The following SMG7 variants were observed in gnomAD, a reference collection of about 807,000 sequenced individuals.
SMG7 encodes SMG7 nonsense mediated mRNA decay factor, also known as nonsense-mediated mRNA decay factor SMG7.
In SMG7, 34 loss-of-function variants were observed where a neutral mutation model predicts 148.2. The ratio of observed to expected loss-of-function variants is 0.23; its 90% CI spans 0.17 to 0.31. The LOEUF is 0.31. SMG7 is among the 10% of genes least tolerant of loss of function. SMG7 has a pLI of 1.00. For synonymous variants in SMG7, 492 were observed against 515.1 expected (o/e 0.96, Z 0.61); for missense variants, 1,114 against 1,408.4 (o/e 0.79, Z 3.35).
At chr1:183,541,163 C>T (rs888270441) in intron 13 of SMG7, 60 bp downstream of exon 13, 94 of 1,459,770 alleles carry the variant, frequency 6.4e-5, no homozygotes, top group Middle Eastern at 3.5e-4. Context: ...AACACATGCG[C>T]GCACACGCGC....
chr1:183,538,328 C>T, intron 11 of SMG7, 52 bp from the exon 12 acceptor site: 1 of 1,297,766 alleles, frequency 7.7e-7, no homozygotes. Context: ...CAGTATTCCA[C>T]CAAACAACAT....
chr1:183,505,767 C>G (rs1050343944), intron 1 of SMG7, among the ~76,000 whole-genome samples: 1 of 152,226 alleles, frequency 6.6e-6, no homozygotes, highest in Admixed American at 6.5e-5. Flanking sequence ...GCTGGCCAAA[C>G]TAACAATCTG....
chr1:183,473,394 G>A (rs1651264034), intron 1 of SMG7, among the ~76,000 whole-genome samples: 1 of 152,002 alleles, frequency 6.6e-6, no homozygotes, highest in African/African-American at 2.4e-5. Flanking sequence ...GTATGTCAGA[G>A]GTAGAGTGAC....
At chr1:183,530,489 T>C (rs1364447863) in intron 8 of SMG7, among the ~76,000 whole-genome samples, 1 of 152,120 alleles carries the variant, frequency 6.6e-6, no homozygotes, top group African/African-American at 2.4e-5. Context: ...CTGTGACATA[T>C]GATGTATAAG....
chr1:183,551,239 G>A (rs763548901), intron 22 of SMG7, 49 bp downstream of exon 22: 39 of 1,515,332 alleles, frequency 2.6e-5, no homozygotes, highest in Non-Finnish European at 3.3e-5. Context: ...CAGCAAAGGT[G>A]TCTCTGCTTT....
chr1:183,486,066 TC>T (rs1460851610), intron 1 of SMG7, among the ~76,000 whole-genome samples: 1 of 152,190 alleles, frequency 6.6e-6, no homozygotes, highest in Non-Finnish European at 1.5e-5. Flanking sequence ...AGAAAGTCTT[TC>T]TTTGGATCAT....
At chr1:183,526,856 C>A in intron 5 of SMG7, 89 bp downstream of exon 5, 1 of 967,888 alleles carries the variant, frequency 1.0e-6, no homozygotes, top group Non-Finnish European at 1.5e-6. Context: ...TTAAGCGGAG[C>A]ATACACACAC....
At chr1:183,492,585 A>G (rs551821158) in intron 1 of SMG7, among the ~76,000 whole-genome samples, 2 of 152,342 alleles carry the variant, frequency 1.3e-5, no homozygotes, top group South Asian at 2.1e-4. Context: ...AACGAAAACA[A>G]TCTGCTTGGG....
intron 2 of SMG7, among the ~76,000 whole-genome samples, chr1:183,513,592 G>C (rs552883687): frequency 6.6e-6 from 1 of 151,822 alleles, no homozygotes; most frequent in Non-Finnish European, 1.5e-5. Context: ...GGCTGGTCTC[G>C]AACTCCTGAC....
At chr1:183,522,520 C>G (rs1490418855) in intron 4 of SMG7, among the ~76,000 whole-genome samples, 1 of 152,076 alleles carries the variant, frequency 6.6e-6, no homozygotes, top group East Asian at 1.9e-4. Context: ...TTCTTCATTT[C>G]TGAAACTTTT....
intron 1 of SMG7, among the ~76,000 whole-genome samples, chr1:183,497,547 A>G (rs1658783162): frequency 1.3e-5 from 2 of 152,224 alleles, no homozygotes; most frequent in South Asian, 4.2e-4. Flanking sequence ...ATCTGGTTTA[A>G]TTTGTTAAAT....
chr1:183,549,119 G>T, intron 18 of SMG7, 89 bp from the exon 19 acceptor site: 2 of 948,150 alleles, frequency 2.1e-6, no homozygotes, highest in Admixed American at 2.0e-5. Context: ...ATACAGGCAT[G>T]CTTTTGCTTT....
chr1:183,527,905 A>G lies in SMG7; in HGVS notation c.485-51A>G, dbSNP rs370048503. The G allele has an allele frequency of 2.3e-6, 3 of 1,279,816 alleles. No homozygotes were observed. The highest frequency in any genetic ancestry group is 3.4e-6 in the Non-Finnish European group (3 of 879,348). 79.3% of individuals were successfully genotyped at this position (1,279,816 alleles called of 1,614,324 possible). On this transcript the variant is annotated intron_variant, in intron 5 of 22. Transcript: ENST00000688051. The surrounding 1 kb of genome is among the most constrained non-coding windows in gnomAD (Gnocchi z 4.0). The stretch of plus-strand genomic sequence containing the variant: ...AAACTATAGCTGTTTTGGAAATACT[A>G]CCCTACTGTTTGTTTTTTGGGTTTT...
chr1:183,527,857 G>A lies in SMG7; in HGVS notation c.485-99G>A, dbSNP rs1029841091. On this transcript the variant is annotated intron_variant, in intron 5 of 22. Coordinates refer to ENST00000688051, the MANE Select transcript of SMG7 (RefSeq NM_001375584.1). This position sits in a 1 kb window ranked among gnomAD's most constrained non-coding sequence, Gnocchi z 4.0. The stretch of plus-strand genomic sequence containing the variant: ...TCTTTAATTTTAAATTAACTTTAAT[G>A]TCTTTATTATCTTTAGAACTTAAAA... 24 of 745,958 alleles carry A rather than the reference G, an allele frequency of 3.2e-5. No individual in the cohort carries two copies. Among genetic ancestry groups the A allele is most frequent in the Middle Eastern group, 4.8e-4 (2 of 4,172 alleles). 46.2% of individuals were successfully genotyped at this position (745,958 alleles called of 1,614,324 possible). A position where few individuals can be genotyped will look rare whatever the true frequency, so the allele number is the denominator to read the frequency against.
At chr1:183,547,756 T>C (rs753022351) in intron 18 of SMG7, among the ~76,000 whole-genome samples, 5 of 152,212 alleles carry the variant, frequency 3.3e-5, no homozygotes, top group Non-Finnish European at 7.3e-5. Context: ...AATTCAAAGT[T>C]GGATTCATAA....
At chr1:183,499,174 G>C (rs1478537765) in intron 1 of SMG7, among the ~76,000 whole-genome samples, 1 of 152,112 alleles carries the variant, frequency 6.6e-6, no homozygotes, top group East Asian at 1.9e-4. Context: ...TGCTTCAGTA[G>C]GTGAATGGAT....
chr1:183,528,837 T>C (rs1666366835), intron 6 of SMG7, 55 bp from the exon 7 acceptor site: 3 of 1,433,190 alleles, frequency 2.1e-6, no homozygotes, highest in Non-Finnish European at 9.6e-7. Context: ...TGTATTCTTA[T>C]AGCAAGACTT....
intron 9 of SMG7, 100 bp downstream of exon 9, chr1:183,533,426 T>G: frequency 7.8e-7 from 1 of 1,287,070 alleles, no homozygotes; most frequent in South Asian, 1.4e-5. Context: ...AAAAGCATAG[T>G]GTATTTCTTA....
At chr1:183,489,189 A>G (rs1656311208) in intron 1 of SMG7, among the ~76,000 whole-genome samples, 1 of 152,118 alleles carries the variant, frequency 6.6e-6, no homozygotes, top group South Asian at 2.1e-4. Flanking sequence ...ATTTTATTTA[A>G]TTCTACTCAA....
Sources: allele counts gnomAD v4.1 joint callset (sites outside exome capture counted in the v4.1 genomes callset), GRCh38; gene constraint gnomAD v4.1.1; non-coding constraint Gnocchi (gnomAD v3.1); transcripts MANE v1.5; gene names NCBI Gene and HGNC (gene_info 2026-07-23, HGNC 2026-07-21).